Variants in IMMT observed in about 807,000 individuals in gnomAD.
IMMT encodes inner membrane mitochondrial protein, also known as MICOS complex subunit MIC60.
Under a neutral mutation model 92.7 loss-of-function variants are expected in IMMT, and 40 were observed. That is an observed-to-expected ratio of 0.43 (90% CI 0.34 to 0.56). The LOEUF is 0.56. Among genes scored for constraint, IMMT ranks in the 20% least tolerant of loss-of-function variants. IMMT has a pLI of 0.03. For synonymous variants in IMMT, 322 were observed against 336.1 expected (o/e 0.96, Z 0.46); for missense variants, 831 against 912.1 (o/e 0.91, Z 1.14).
chr2:86,192,880 G>C, intron 1 of IMMT: 1 of 153,406 alleles, frequency 6.5e-6, no homozygotes, highest in East Asian at 1.9e-4. Context: ...AGATTACCAG[G>C]AGAATCTGAG....
At chr2:86,179,669 A>G in intron 2 of IMMT, 47 bp from the exon 3 acceptor site, 1 of 1,467,330 alleles carries the variant, frequency 6.8e-7, no homozygotes, top group Non-Finnish European at 9.1e-7. Context: ...TGGCTCTCCT[A>G]CACCTATTTT....
intron 3 of IMMT, among the ~76,000 whole-genome samples, chr2:86,179,074 A>G (rs1364008113): frequency 6.6e-6 from 1 of 152,204 alleles, no homozygotes; most frequent in Non-Finnish European, 1.5e-5. Flanking sequence ...AACAAAAACA[A>G]AAACAAAAAC....
rs1428421028 is a variant in IMMT at position 86,181,352 on chromosome 2, A to G, written c.66T>C (p.Phe22=). The G allele has an allele frequency of 2.5e-6, 4 of 1,613,676 alleles. No individual in the cohort carries two copies. Among genetic ancestry groups the G allele is most frequent in the Non-Finnish European group, 3.4e-6 (4 of 1,179,698 alleles). ...AAAQSCLCGK[F]VLRPLRPCRR... ...GGCATGGTCGCAATGGACGGAGGAC[A>G]AACTTCCCACAGAGACAACTCTAAA... is the stretch of plus-strand genomic sequence containing the variant. The change falls in exon 2 of 15, where the codon TTT becomes TTC. Residue 22 remains phenylalanine (F), a synonymous_variant. Coordinates refer to ENST00000410111, the MANE Select transcript of IMMT (RefSeq NM_006839.3).
intron 1 of IMMT, among the ~76,000 whole-genome samples, chr2:86,192,572 A>T (rs1476940907): frequency 6.6e-6 from 1 of 152,228 alleles, no homozygotes; most frequent in Non-Finnish European, 1.5e-5. Context: ...ACAGCAGTAA[A>T]TATGGACACA....
chr2:86,195,388 T>C lies in IMMT; in HGVS notation c.-6A>G. On this transcript the variant is annotated 5_prime_UTR_variant, in exon 1 of 15. Coordinates refer to ENST00000410111, the MANE Select transcript of IMMT (RefSeq NM_006839.3). ...AACTGACAGGCCCGCAGCATCTCGG[T>C]CAAGCGGACGGCGCTGCTGGTGGAC... The C allele has an allele frequency of 1.3e-6, 2 of 1,548,204 alleles. No individual in the cohort carries two copies. The highest frequency in any genetic ancestry group is 2.7e-5 in the African/African-American group (2 of 72,790).
In IMMT at chr2:86,144,201, AC is replaced by A. The variant is rs1674814161; in HGVS notation, c.*66del. 1.9e-6 allele frequency: 3 copies of A among 1,566,978 alleles called. No homozygotes were observed. Among genetic ancestry groups the A allele is most frequent in the East Asian group, 2.3e-5 (1 of 44,442 alleles). Reference sequence around the variant, plus strand: ...GACAAGTCCGGGACTCTCGCTGCGAACCCTTCATCTATCACTGCTGATTTCC... The same window carrying A: ...GACAAGTCCGGGACTCTCGCTGCGAACCTTCATCTATCACTGCTGATTTCC... On this transcript the variant is annotated 3_prime_UTR_variant, in exon 15 of 15. Transcript: ENST00000410111.
At chr2:86,190,280 G>A (rs1192507767) in intron 1 of IMMT, among the ~76,000 whole-genome samples, 2 of 152,154 alleles carry the variant, frequency 1.3e-5, no homozygotes, top group Non-Finnish European at 2.9e-5. Flanking sequence ...ACAGAAAGAA[G>A]GAATTCTAGA....
intron 1 of IMMT, among the ~76,000 whole-genome samples, chr2:86,191,734 T>A (rs1428534613): frequency 4.2e-5 from 5 of 120,354 alleles, no homozygotes; most frequent in African/African-American, 1.6e-4. Flanking sequence ...AAACCCCGTC[T>A]CTACTAAAAA....
At position 86,144,221 on chromosome 2, in the gene IMMT, G is replaced by GAT. The variant is rs779494787; in HGVS notation, c.*45_*46dup. 3.8e-4 allele frequency: 616 copies of GAT among 1,601,138 alleles called. No individual in the cohort carries two copies. Among genetic ancestry groups the GAT allele is most frequent in the Non-Finnish European group, 5.0e-4 (587 of 1,171,750 alleles). Reference sequence around the variant, plus strand: ...TGCGAACCCTTCATCTATCACTGCTGATTTCCTTTGACATGAAATATGACT... The same window carrying GAT: ...TGCGAACCCTTCATCTATCACTGCTGATATTTCCTTTGACATGAAATATGACT... On this transcript the variant is annotated 3_prime_UTR_variant, in exon 15 of 15. Transcript: ENST00000410111.
intron 7 of IMMT, among the ~76,000 whole-genome samples, chr2:86,166,259 A>G (rs1278009147): frequency 6.6e-6 from 1 of 152,158 alleles, no homozygotes; most frequent in Non-Finnish European, 1.5e-5. Context: ...TGAACCTGGG[A>G]GGTGGAGGTT....
intron 3 of IMMT, among the ~76,000 whole-genome samples, chr2:86,174,756 A>T (rs147574698): frequency 6.6e-6 from 1 of 152,152 alleles, no homozygotes; most frequent in South Asian, 2.1e-4. Flanking sequence ...ATTTAACACT[A>T]TATCATGGAC....
chr2:86,174,859 T>G (rs1180858500), intron 3 of IMMT, among the ~76,000 whole-genome samples: 3 of 152,204 alleles, frequency 2.0e-5, no homozygotes, highest in Admixed American at 1.3e-4. Flanking sequence ...CTATAGTCAT[T>G]CAAATTGTTT....
intron 12 of IMMT, among the ~76,000 whole-genome samples, 164 bp downstream of exon 12, chr2:86,151,133 G>A (rs1234796985): frequency 1.3e-5 from 2 of 152,070 alleles, no homozygotes; most frequent in Non-Finnish European, 2.9e-5. Context: ...GGCCAGGCTG[G>A]TCTCGAACTC....
chr2:86,194,554 C>T (rs540292083), intron 1 of IMMT, among the ~76,000 whole-genome samples: 2 of 152,260 alleles, frequency 1.3e-5, no homozygotes, highest in South Asian at 4.1e-4. Flanking sequence ...TACATTTTGC[C>T]AAAATATCAA....
intron 1 of IMMT, among the ~76,000 whole-genome samples, chr2:86,184,507 A>G (rs1170473901): frequency 2.6e-5 from 4 of 152,112 alleles, no homozygotes; most frequent in Non-Finnish European, 4.4e-5. Flanking sequence ...TAATAATTAT[A>G]ATTACACTGC....
At chr2:86,177,026 A>C (rs900325087) in intron 3 of IMMT, among the ~76,000 whole-genome samples, 1 of 152,198 alleles carries the variant, frequency 6.6e-6, no homozygotes, top group Non-Finnish European at 1.5e-5. Flanking sequence ...AGTCAAAAAC[A>C]TTGTGAAAAA....
intron 2 of IMMT, among the ~76,000 whole-genome samples, chr2:86,180,115 CT>C (rs1289325395): frequency 1.3e-5 from 2 of 151,978 alleles, no homozygotes; most frequent in Non-Finnish European, 2.9e-5. Flanking sequence ...GTATGAATAA[CT>C]AAAAATTTTT....
chr2:86,160,905 T>C (rs1358192795), intron 8 of IMMT, among the ~76,000 whole-genome samples: 1 of 152,220 alleles, frequency 6.6e-6, no homozygotes, highest in African/African-American at 2.4e-5. Flanking sequence ...ATACATCATC[T>C]AAGCAATAAT....
intron 1 of IMMT, among the ~76,000 whole-genome samples, chr2:86,188,489 T>C (rs886974710): frequency 5.3e-5 from 8 of 151,626 alleles, no homozygotes; most frequent in African/African-American, 1.7e-4. Context: ...TGTGGCACCA[T>C]CATGGTTCAC....
Sources: allele counts gnomAD v4.1 joint callset (sites outside exome capture counted in the v4.1 genomes callset), GRCh38; gene constraint gnomAD v4.1.1; transcripts MANE v1.5; gene names NCBI Gene and HGNC (gene_info 2026-07-23, HGNC 2026-07-21).